UBE2E2: variants seen among roughly 807,000 people sequenced by gnomAD.
UBE2E2 encodes the protein ubiquitin-conjugating enzyme E2 E2.
UBE2E2 carries 6 observed loss-of-function variants against 24.7 expected under a neutral mutation model. The observed-to-expected ratio is 0.24, with a 90% confidence interval of 0.13 to 0.48. The LOEUF (loss-of-function observed/expected upper bound fraction) is 0.48. Among genes scored for constraint, UBE2E2 ranks in the 20% least tolerant of loss-of-function variants. The pLI, the probability that UBE2E2 is intolerant of heterozygous loss-of-function variation, is 0.99. For synonymous variants in UBE2E2, 104 were observed against 83.6 expected (o/e 1.24, Z -1.33); for missense variants, 169 against 245.0 (o/e 0.69, Z 2.07).
intron 3 of UBE2E2, among the ~76,000 whole-genome samples, chr3:23,469,221 T>A (rs1698983552): frequency 6.6e-6 from 1 of 152,196 alleles, no homozygotes; most frequent in Admixed American, 6.5e-5. Flanking sequence ...TCTCCAAGTT[T>A]CCTTTCATCA....
intron 3 of UBE2E2, among the ~76,000 whole-genome samples, chr3:23,463,239 A>G (rs1183974495): frequency 1.3e-5 from 2 of 152,102 alleles, no homozygotes; most frequent in Non-Finnish European, 2.9e-5. Flanking sequence ...AAAAAAAAAG[A>G]TGATAACTAA....
chr3:23,452,243 G>T (rs1698576876), intron 3 of UBE2E2, among the ~76,000 whole-genome samples: 1 of 152,202 alleles, frequency 6.6e-6, no homozygotes. Context: ...TCTAGCTACT[G>T]TGTGGATTTA....
chr3:23,203,780 TCTC>T (rs1292029016), intron 1 of UBE2E2, among the ~76,000 whole-genome samples: 7 of 148,968 alleles, frequency 4.7e-5, no homozygotes, highest in African/African-American at 7.4e-5. Context: ...GCGCTTTCCT[TCTC>T]CTAGCCGCAT....
chr3:23,520,373 A>G lies in UBE2E2; in HGVS notation c.361-12181A>G, dbSNP rs1317122466. Reference sequence around the variant, plus strand: ...CATGGCATTATTGGTAGCTATTTTAATTATTACTATTATTTTTGGTTACAA... The same window carrying G: ...CATGGCATTATTGGTAGCTATTTTAGTTATTACTATTATTTTTGGTTACAA... On this transcript the variant is annotated intron_variant, in intron 4 of 5. Transcript: ENST00000396703. 3.3e-5 allele frequency among the ~76,000 whole-genome samples: 5 copies of G among 152,302 alleles called. 1 individual carries two copies. In the South Asian group the frequency reaches 8.3e-4, roughly 25 times the overall value.
chr3:23,498,268 T>C (rs1377082461), intron 3 of UBE2E2, among the ~76,000 whole-genome samples: 3 of 152,232 alleles, frequency 2.0e-5, no homozygotes, highest in Non-Finnish European at 4.4e-5. Context: ...CATTTAAATA[T>C]TTAATCCATC....
intron 3 of UBE2E2, among the ~76,000 whole-genome samples, chr3:23,454,166 A>T (rs1432909511): frequency 1.3e-5 from 2 of 152,186 alleles, no homozygotes; most frequent in Non-Finnish European, 2.9e-5. Flanking sequence ...ATGAATTTTT[A>T]GATCCCCATT....
intron 3 of UBE2E2, among the ~76,000 whole-genome samples, chr3:23,302,013 C>G (rs1699110383): frequency 6.6e-6 from 1 of 152,142 alleles, no homozygotes; most frequent in Admixed American, 6.5e-5. Context: ...TGGAAAATTG[C>G]TGACACATGT....
At chr3:23,582,087 G>A (rs1330070462) in intron 5 of UBE2E2, among the ~76,000 whole-genome samples, 1 of 151,952 alleles carries the variant, frequency 6.6e-6, no homozygotes, top group African/African-American at 2.4e-5. Context: ...CATGGTATCT[G>A]TTGTTTGCTT....
chr3:23,535,416 T>A (rs969259106), intron 5 of UBE2E2, among the ~76,000 whole-genome samples: 2 of 152,184 alleles, frequency 1.3e-5, no homozygotes, highest in African/African-American at 4.8e-5. Flanking sequence ...CATTGACACT[T>A]GGATTTTACA....
intron 3 of UBE2E2, among the ~76,000 whole-genome samples, chr3:23,479,753 G>A (rs1360940985): frequency 1.3e-5 from 2 of 152,172 alleles, no homozygotes; most frequent in Non-Finnish European, 2.9e-5. Context: ...CCCAATGAAT[G>A]TCCAGCTCTC....
At chr3:23,438,135 A>T (rs1316296076) in intron 3 of UBE2E2, among the ~76,000 whole-genome samples, 2 of 152,220 alleles carry the variant, frequency 1.3e-5, no homozygotes, top group Admixed American at 6.5e-5. Flanking sequence ...GGTTTCTGTA[A>T]AGCATTTTAA....
intron 3 of UBE2E2, among the ~76,000 whole-genome samples, chr3:23,234,936 T>C (rs1697067085): frequency 6.6e-6 from 1 of 152,188 alleles, no homozygotes; most frequent in Non-Finnish European, 1.5e-5. Context: ...CAGGCGCTGA[T>C]GTGTTCAGAA....
At chr3:23,268,453 T>C (rs1039650773) in intron 3 of UBE2E2, among the ~76,000 whole-genome samples, 3 of 151,888 alleles carry the variant, frequency 2.0e-5, no homozygotes, top group Non-Finnish European at 4.4e-5. Context: ...CCATTCACAA[T>C]TGCTTCAAAG....
intron 3 of UBE2E2, among the ~76,000 whole-genome samples, chr3:23,314,436 A>G (rs1694514727): frequency 6.6e-6 from 1 of 151,830 alleles, no homozygotes; most frequent in South Asian, 2.1e-4. Flanking sequence ...CGCCATAGTT[A>G]TTATTTTTGT....
intron 3 of UBE2E2, among the ~76,000 whole-genome samples, chr3:23,440,080 C>T (rs1030286322): frequency 6.6e-6 from 1 of 151,846 alleles, no homozygotes; most frequent in Non-Finnish European, 1.5e-5. Flanking sequence ...TCAAGACCAG[C>T]CTGGCCAAGA....
chr3:23,514,055 A>G (rs540717658), intron 4 of UBE2E2, among the ~76,000 whole-genome samples: 73 of 152,330 alleles, frequency 4.8e-4, no homozygotes, highest in Non-Finnish European at 9.3e-4. Flanking sequence ...TTTGTCTTAC[A>G]AGGCCCTACG....
intron 3 of UBE2E2, among the ~76,000 whole-genome samples, chr3:23,460,078 G>T (rs1417204414): frequency 6.6e-6 from 1 of 152,172 alleles, no homozygotes; most frequent in East Asian, 1.9e-4. Context: ...GTACATGGCA[G>T]TGCTGGGCAG....
chr3:23,412,907 T>C (rs912388350), intron 3 of UBE2E2, among the ~76,000 whole-genome samples: 2 of 152,122 alleles, frequency 1.3e-5, no homozygotes, highest in African/African-American at 2.4e-5. Flanking sequence ...TTCCTTTTTA[T>C]AATTGTTGGC....
chr3:23,278,201 A>G (rs1178612708), intron 3 of UBE2E2, among the ~76,000 whole-genome samples: 2 of 152,156 alleles, frequency 1.3e-5, no homozygotes, highest in Non-Finnish European at 2.9e-5. Context: ...TCCCTTGCAT[A>G]TTAACACATA....
Sources: allele counts gnomAD v4.1 joint callset (sites outside exome capture counted in the v4.1 genomes callset), GRCh38; gene constraint gnomAD v4.1.1; transcripts MANE v1.5; gene names NCBI Gene and HGNC (gene_info 2026-07-23, HGNC 2026-07-21).